CDH3: variants seen among roughly 807,000 people sequenced by gnomAD.
CDH3 encodes cadherin-3.
Under a neutral mutation model 82.0 loss-of-function variants are expected in CDH3, and 54 were observed. That is an observed-to-expected ratio of 0.66 (90% CI 0.53 to 0.83). The LOEUF is 0.83. Ranked by LOEUF, CDH3 falls within the 40% of genes least tolerant of loss-of-function variation. The probability of loss-of-function intolerance (pLI) is 0.00; values close to 1 mark genes in which losing one functional copy is unlikely to be tolerated. For missense variants in CDH3, 1,054 were observed against 1,084.6 expected, an observed-to-expected ratio of 0.97 and a Z score of 0.40; for synonymous variants, 446 against 437.9, an observed-to-expected ratio of 1.02 and a Z score of -0.23.
rs747517754 is a variant in CDH3 at position 68,676,375 on chromosome 16, T to G, written c.161-10T>G. Reference sequence around the variant, plus strand: ...GCCTTCCTAATGCTCTCTCTTCCCCTTCCCCACAGTATTCATGGGCTGCCC... The same window carrying G: ...GCCTTCCTAATGCTCTCTCTTCCCCGTCCCCACAGTATTCATGGGCTGCCC... On this transcript the variant is annotated splice_polypyrimidine_tract_variant and intron_variant, in intron 2 of 15. Coordinates refer to ENST00000264012, the MANE Select transcript of CDH3 (RefSeq NM_001793.6). 1.2e-5 allele frequency: 19 copies of G among 1,605,102 alleles called. No homozygotes were observed. The highest frequency in any genetic ancestry group is 1.5e-5 in the Non-Finnish European group (18 of 1,171,738).
At chr16:68,693,728 G>A (rs117374299) in intron 13 of CDH3, among the ~76,000 whole-genome samples, 373 of 152,262 alleles carry the variant, frequency 2.4e-3, no homozygotes, top group Middle Eastern at 6.8e-3. Flanking sequence ...TCTGGCCAAG[G>A]ACAGACAGCA....
downstream of CDH3, among the ~76,000 whole-genome samples, chr16:68,730,781 G>A (rs1166106942): frequency 2.6e-5 from 4 of 151,728 alleles, no homozygotes; most frequent in African/African-American, 7.2e-5. Flanking sequence ...AGCACTTTGG[G>A]AGGCCAAGGT....
At chr16:68,655,850 G>A (rs35583019) in intron 2 of CDH3, among the ~76,000 whole-genome samples, 51,028 of 151,940 alleles carry the variant, frequency 0.34, 9,434 homozygotes, top group East Asian at 0.54. Flanking sequence ...GCGACAGAGC[G>A]AGACGCCGTC....
intron 2 of CDH3, among the ~76,000 whole-genome samples, chr16:68,726,875 G>A (rs73557376): frequency 0.049 from 7,501 of 152,126 alleles, 591 homozygotes; most frequent in African/African-American, 0.17. Context: ...CACCGCGCCC[G>A]CCCCAGCTGT....
chr16:68,664,423 A>T lies in CDH3; in HGVS notation c.161-11962A>T, dbSNP rs140985827. 3.1e-3 allele frequency among the ~76,000 whole-genome samples: 466 copies of T among 152,070 alleles called. 1 individual carries two copies. The highest frequency in any genetic ancestry group is 5.0e-3 in the Non-Finnish European group (338 of 67,990). On this transcript the variant is annotated intron_variant, in intron 2 of 15. Transcript: ENST00000264012. ...AATAAATGAGAGAATCAAGAACTTTAAAAAAAAGCAACAAACTGCTTTCCC... is the reference window on the plus strand; with the variant it reads ...AATAAATGAGAGAATCAAGAACTTTTAAAAAAAGCAACAAACTGCTTTCCC...
chr16:68,673,460 C>T (rs1045278388), intron 2 of CDH3, among the ~76,000 whole-genome samples: 6 of 133,508 alleles, frequency 4.5e-5, no homozygotes, highest in Non-Finnish European at 9.5e-5. Flanking sequence ...TCTCTCTAGC[C>T]CCTGGTCAAT....
chr16:68,668,988 G>A (rs1160370328), intron 2 of CDH3, among the ~76,000 whole-genome samples: 1 of 152,172 alleles, frequency 6.6e-6, no homozygotes, highest in Non-Finnish European at 1.5e-5. Context: ...AGGAAACTGA[G>A]CTTCTATATA....
chr16:68,716,632 A>AG (rs1415680224), intron 1 of CDH3, among the ~76,000 whole-genome samples: 2 of 148,390 alleles, frequency 1.3e-5, no homozygotes, highest in African/African-American at 2.4e-5. Context: ...AAAAAAAAAA[A>AG]AAAAAAAGAA....
intron 2 of CDH3, among the ~76,000 whole-genome samples, chr16:68,650,013 AAC>A (rs1481627124): frequency 6.6e-6 from 1 of 151,888 alleles, no homozygotes; most frequent in Non-Finnish European, 1.5e-5. Flanking sequence ...CAGCCTGGGC[AAC>A]AGAGTGAGAC....
intron 8 of CDH3, 37 bp downstream of exon 8, chr16:68,681,133 A>G (rs1961217210): frequency 6.2e-7 from 1 of 1,612,482 alleles, no homozygotes; most frequent in Non-Finnish European, 8.5e-7. Context: ...TCATCAGATA[A>G]TGAAGGACCA....
intron 13 of CDH3, among the ~76,000 whole-genome samples, chr16:68,693,040 G>T (rs910100207): frequency 6.6e-6 from 1 of 151,894 alleles, no homozygotes; most frequent in Non-Finnish European, 1.5e-5. Flanking sequence ...GGAGATGGAG[G>T]TTGCAGTCAG....
chr16:68,646,503 C>A lies in CDH3; in HGVS notation c.160+753C>A, dbSNP rs201467335. ...ATTTTTGATCCCTCAGTTACTCCTA[C>A]CCCCCCCCTCCCCGCCCCAAGTTCA... On this transcript the variant is annotated intron_variant, in intron 2 of 15. Transcript: ENST00000264012. Among the ~76,000 whole-genome samples the A allele has an allele frequency of 2.6e-3, 342 of 131,682 alleles. 1 individual carries two copies. Among genetic ancestry groups the A allele is most frequent in the Admixed American group, 4.6e-3 (60 of 13,158 alleles). The allele number at this position is 131,682 out of a possible 152,430, so 86.4% of individuals were successfully genotyped here.
chr16:68,649,450 TTCGCA>T (rs1960176558), intron 2 of CDH3, among the ~76,000 whole-genome samples: 1 of 152,222 alleles, frequency 6.6e-6, no homozygotes, highest in African/African-American at 2.4e-5. Flanking sequence ...AAGCATATAT[TTCGCA>T]TCTGCATAGA....
At chr16:68,725,153 G>A (rs557860533) in intron 2 of CDH3, among the ~76,000 whole-genome samples, 19 of 152,220 alleles carry the variant, frequency 1.2e-4, no homozygotes, top group African/African-American at 4.1e-4. Context: ...TCAGCCACAG[G>A]GCTCCATGAC....
rs939683900 is a variant in CDH3, at chr16:68,660,295, A to G, written c.160+14545A>G. On this transcript the variant is annotated intron_variant, in intron 2 of 15. Transcript: ENST00000264012. ...ACTAACTTTTGTTTTATGACTATCT[A>G]AATAATAGTCAATAGTTTCAAAAGC... 3.9e-5 allele frequency among the ~76,000 whole-genome samples: 6 copies of G among 152,342 alleles called. No homozygotes were observed. The Middle Eastern group carries it at 0.01, about 259-fold the overall frequency.
At chr16:68,667,936 T>C (rs948018772) in intron 2 of CDH3, among the ~76,000 whole-genome samples, 1 of 152,228 alleles carries the variant, frequency 6.6e-6, no homozygotes, top group African/African-American at 2.4e-5. Context: ...TCCTATGATA[T>C]TAATTGTTAA....
chr16:68,674,343 G>GT (rs1298507545), intron 2 of CDH3, among the ~76,000 whole-genome samples: 2 of 152,096 alleles, frequency 1.3e-5, no homozygotes, highest in African/African-American at 2.4e-5. Flanking sequence ...CTGGAGAAAG[G>GT]TTTTTTCAAG....
At chr16:68,661,347 G>A (rs1039375595) in intron 2 of CDH3, among the ~76,000 whole-genome samples, 3 of 151,888 alleles carry the variant, frequency 2.0e-5, no homozygotes, top group Non-Finnish European at 4.4e-5. Context: ...CTTAACCTCT[G>A]TGCCTCAGTT....
chr16:68,693,500 A>G (rs1331266176), intron 13 of CDH3, among the ~76,000 whole-genome samples: 1 of 152,194 alleles, frequency 6.6e-6, no homozygotes, highest in Non-Finnish European at 1.5e-5. Flanking sequence ...AAGGAGAAAC[A>G]TGGCATTTCC....
Sources: gnomAD v4.1 joint callset for allele counts (sites outside exome capture counted in the v4.1 genomes callset) on GRCh38, gnomAD v4.1.1 for gene constraint, MANE v1.5 for transcripts, NCBI Gene and HGNC (gene_info 2026-07-23, HGNC 2026-07-21) for gene names.